PLIN3: variants seen among roughly 807,000 people sequenced by gnomAD.
PLIN3 encodes perilipin-3.
Under a neutral mutation model 35.9 loss-of-function variants are expected in PLIN3, and 30 were observed. That is an observed-to-expected ratio of 0.84 (90% CI 0.62 to 1.13). The LOEUF (loss-of-function observed/expected upper bound fraction) is 1.13, where lower values mean the gene tolerates loss of function less well. PLIN3 is among the 50% of genes most tolerant of loss of function. The pLI is 0.00. For synonymous variants in PLIN3, 261 were observed against 262.5 expected (o/e 0.99, Z 0.06); for missense variants, 603 against 596.9 (o/e 1.01, Z -0.11).
intron 5 of PLIN3, among the ~76,000 whole-genome samples, chr19:4,850,587 ATTTTTTT>A (rs71170860): frequency 2.4e-5 from 3 of 124,644 alleles, no homozygotes; most frequent in African/African-American, 9.5e-5. Flanking sequence ...CGCCCGGCTA[ATTTTTTT>A]TTTTTTTTTT....
chr19:4,867,035 C>G (rs1345839257), intron 1 of PLIN3: 1 of 152,296 alleles, frequency 6.6e-6, no homozygotes, highest in East Asian at 1.9e-4. Context: ...ACGGATAGGC[C>G]TTCCTACTTT....
intron 1 of PLIN3, among the ~76,000 whole-genome samples, chr19:4,862,090 C>T (rs2030694717): frequency 6.6e-6 from 1 of 151,812 alleles, no homozygotes; most frequent in South Asian, 2.1e-4. Flanking sequence ...AGGCACACAC[C>T]ACCACGCCTA....
chr19:4,842,948 C>T (rs570239358), intron 7 of PLIN3, among the ~76,000 whole-genome samples: 2 of 152,274 alleles, frequency 1.3e-5, no homozygotes, highest in African/African-American at 2.4e-5. Context: ...GGTCCGGGCA[C>T]GGTGGCTCAC....
At chr19:4,851,868 G>A in intron 5 of PLIN3, 148 bp downstream of exon 5, 1 of 807,980 alleles carries the variant, frequency 1.2e-6, no homozygotes, top group Non-Finnish European at 1.9e-6. Context: ...AGAGGGGACT[G>A]CGTTAGTGAT....
intron 7 of PLIN3, 126 bp from the exon 8 acceptor site, chr19:4,839,662 C>T (rs981486644): frequency 2.0e-5 from 12 of 612,658 alleles, no homozygotes; most frequent in African/African-American, 1.7e-4. Flanking sequence ...TTTCCATAGG[C>T]GAAACTTTTT....
At chr19:4,845,433 C>A (rs1387703849) in intron 6 of PLIN3, among the ~76,000 whole-genome samples, 3 of 150,206 alleles carry the variant, frequency 2.0e-5, no homozygotes, top group Admixed American at 2.0e-4. Context: ...CTCAAAACAA[C>A]AAAAAACAAA....
chr19:4,854,357 TTCA>T (rs2030401940), intron 4 of PLIN3, among the ~76,000 whole-genome samples: 1 of 152,000 alleles, frequency 6.6e-6, no homozygotes, highest in South Asian at 2.1e-4. Context: ...CTCATGAGAG[TTCA>T]TCTTTTTGTG....
At chr19:4,852,459 G>A (rs2030334096) in intron 4 of PLIN3, among the ~76,000 whole-genome samples, 158 bp from the exon 5 acceptor site, 1 of 151,944 alleles carries the variant, frequency 6.6e-6, no homozygotes, top group Non-Finnish European at 1.5e-5. Flanking sequence ...CCCCTCCCCT[G>A]CACCCCAACT....
intron 4 of PLIN3, among the ~76,000 whole-genome samples, chr19:4,853,838 A>C (rs2030385225): frequency 6.6e-6 from 1 of 151,442 alleles, no homozygotes; most frequent in Admixed American, 6.6e-5. Context: ...ACAAACAAAC[A>C]AAAAAAAGCT....
chr19:4,847,599 G>A (rs2030143386), intron 6 of PLIN3, 92 bp downstream of exon 6: 2 of 1,068,182 alleles, frequency 1.9e-6, no homozygotes, highest in East Asian at 2.6e-5. Flanking sequence ...CCAGCCTGCA[G>A]AGGGGTGAGC....
intron 2 of PLIN3, among the ~76,000 whole-genome samples, chr19:4,860,620 G>A (rs1431492576): frequency 6.6e-6 from 1 of 152,120 alleles, no homozygotes; most frequent in Non-Finnish European, 1.5e-5. Flanking sequence ...CTAAACCGGG[G>A]GCTGTAGACC....
At chr19:4,864,340 G>A (rs1437926845) in intron 1 of PLIN3, among the ~76,000 whole-genome samples, 2 of 151,624 alleles carry the variant, frequency 1.3e-5, no homozygotes, top group Non-Finnish European at 2.9e-5. Context: ...TAGTAGAGAT[G>A]GGGTTTCACT....
At position 4,858,146 on chromosome 19, in the gene PLIN3, G is replaced by A. The variant is rs1334025858; in HGVS notation, c.348+1444C>T. Reference sequence around the variant, plus strand: ...AAATTAGCTAGGCGTGGTGGCAGACGTCTGCAACCCCAGCTACTCAGCAGC... The same window carrying A: ...AAATTAGCTAGGCGTGGTGGCAGACATCTGCAACCCCAGCTACTCAGCAGC... On this transcript the variant is annotated intron_variant, in intron 4 of 7. Transcript: ENST00000221957. Among the ~76,000 whole-genome samples, 12 of 150,150 alleles carry A rather than the reference G, an allele frequency of 8.0e-5. No homozygotes were observed. In the Admixed American group the frequency reaches 8.0e-4, roughly 10 times the overall value.
rs111932271 is a variant in PLIN3 at position 4,841,904 on chromosome 19, CAAAAAAAAAAAAAAA to C, written c.961-2383_961-2369del. Among the ~76,000 whole-genome samples the C allele has an allele frequency of 1.0e-4, 4 of 38,688 alleles. 1 individual carries two copies. Among genetic ancestry groups the C allele is most frequent in the African/African-American group, 2.7e-4 (4 of 14,916 alleles). 25.4% of individuals were successfully genotyped at this position (38,688 alleles called of 152,430 possible). On this transcript the variant is annotated intron_variant, in intron 7 of 7. Coordinates refer to ENST00000221957, the MANE Select transcript of PLIN3 (RefSeq NM_005817.5). ...TGGGCGACAGAGCGAGACTCCATCT[CAAAAAAAAAAAAAAA>C]AAAAAAAGAAAAAAAAAAGCTGTTA...
intron 2 of PLIN3, 86 bp from the exon 3 acceptor site, chr19:4,860,110 C>T: frequency 1.7e-6 from 2 of 1,202,404 alleles, no homozygotes; most frequent in Non-Finnish European, 1.2e-6. Flanking sequence ...CAGTTTTGCT[C>T]TTACTCCTGG....
At chr19:4,847,611 A>G (rs935802873) in intron 6 of PLIN3, 80 bp downstream of exon 6, 16 of 1,224,734 alleles carry the variant, frequency 1.3e-5, no homozygotes, top group Admixed American at 8.2e-5. Context: ...GGGGTGAGCA[A>G]TAAGCCACTG....
intron 1 of PLIN3, among the ~76,000 whole-genome samples, chr19:4,864,943 G>C (rs938309305): frequency 3.9e-5 from 6 of 152,166 alleles, no homozygotes; most frequent in African/African-American, 1.4e-4. Context: ...TGTAATCCCA[G>C]CACGCTGGGA....
intron 7 of PLIN3, among the ~76,000 whole-genome samples, chr19:4,842,457 G>A (rs1283833498): frequency 6.6e-6 from 1 of 151,566 alleles, no homozygotes; most frequent in African/African-American, 2.4e-5. Flanking sequence ...CAAATTAGCT[G>A]GGCGTGGTGG....
intron 4 of PLIN3, among the ~76,000 whole-genome samples, chr19:4,858,837 G>A (rs747160336): frequency 6.6e-6 from 1 of 151,618 alleles, no homozygotes; most frequent in Non-Finnish European, 1.5e-5. Flanking sequence ...GAGTAGCTGG[G>A]ATTACAGGCA....
Sources: allele counts gnomAD v4.1 joint callset (sites outside exome capture counted in the v4.1 genomes callset), GRCh38; gene constraint gnomAD v4.1.1; transcripts MANE v1.5; gene names NCBI Gene and HGNC (gene_info 2026-07-23, HGNC 2026-07-21).